The following HYDIN variants were observed in gnomAD, a reference collection of about 807,000 sequenced individuals.
HYDIN encodes the protein HYDIN axonemal central pair apparatus protein, also known as axonemal central pair apparatus protein HYDIN.
HYDIN carries 132 observed loss-of-function variants against 403.9 expected under a neutral mutation model. That is an observed-to-expected ratio of 0.33 (90% CI 0.28 to 0.38). HYDIN has a LOEUF of 0.38. HYDIN is among the 10% of genes least tolerant of loss of function. The probability of loss-of-function intolerance (pLI) is 1.00; values close to 1 mark genes in which losing one functional copy is unlikely to be tolerated. For missense variants in HYDIN, 2,827 were observed against 5,009.5 expected (o/e 0.56, Z 13.15); for synonymous variants, 1,202 against 1,891.7 (o/e 0.64, Z 9.46).
intron 1 of HYDIN, among the ~76,000 whole-genome samples, chr16:71,220,250 G>A (rs1789383412): frequency 6.6e-6 from 1 of 152,142 alleles, no homozygotes; most frequent in African/African-American, 2.4e-5. Context: ...CTGCTAAAGT[G>A]AAGAAACATT....
chr16:70,920,953 C>A lies in HYDIN; in HGVS notation c.7423G>T (p.Asp2475Tyr), dbSNP rs750229100. The change falls in exon 46 of 86, where the codon GAC (aspartate) becomes TAC (tyrosine). Residue 2475 changes from aspartate (D) to tyrosine (Y), a missense_variant. By Grantham distance (160) the Asp-to-Tyr change is radical (BLOSUM62 -3). Coordinates refer to ENST00000393567, the MANE Select transcript of HYDIN (RefSeq NM_001270974.2). ...GGCAGCTGGACTCCTTGCTTCCGGT[C>A]CCAGTACATGAGGATGTTCTGGACA... ...KDVQNILMYW[D>Y]RKQGVQLPPA... The A allele has an allele frequency of 1.2e-6, 2 of 1,611,638 alleles. No individual in the cohort carries two copies. Among genetic ancestry groups the A allele is most frequent in the African/African-American group, 2.7e-5 (2 of 74,792 alleles).
chr16:71,201,696 G>T (rs894836598), intron 1 of HYDIN, among the ~76,000 whole-genome samples: 3 of 152,198 alleles, frequency 2.0e-5, no homozygotes, highest in Admixed American at 6.5e-5. Flanking sequence ...GAGGGGAGAG[G>T]CTGTCTGAGA....
intron 83 of HYDIN, among the ~76,000 whole-genome samples, chr16:70,823,614 G>A (rs8063691): frequency 6.6e-6 from 1 of 151,496 alleles, no homozygotes; most frequent in Admixed American, 6.6e-5. Flanking sequence ...GACCTCTAAT[G>A]TTCCCCAGCA....
At chr16:71,226,794 C>G (rs2041051681) in intron 1 of HYDIN, among the ~76,000 whole-genome samples, 1 of 152,180 alleles carries the variant, frequency 6.6e-6, no homozygotes. Flanking sequence ...CTCACCAGAT[C>G]ACCGCATCCA....
intron 13 of HYDIN, among the ~76,000 whole-genome samples, chr16:71,070,191 A>G (rs6416722): frequency 6.6e-6 from 1 of 152,020 alleles, no homozygotes; most frequent in Admixed American, 6.5e-5. Context: ...CTCTTAAGAG[A>G]TGTGGACCTT....
chr16:70,920,845 G>A lies in HYDIN; in HGVS notation c.7531C>T (p.Arg2511Trp), dbSNP rs774441724. 6 of 1,587,252 alleles carry A rather than the reference G, an allele frequency of 3.8e-6. No homozygotes were observed. The highest frequency in any genetic ancestry group is 1.3e-5 in the African/African-American group (1 of 74,404). Residue 2511 changes from arginine to tryptophan, a missense_variant, in exon 46 of 86, where the codon CGG becomes TGG. Coordinates refer to ENST00000393567, the MANE Select transcript of HYDIN (RefSeq NM_001270974.2). ...PLGGRRGRKD[R>W]ERERLEKERT... ...TCCTTCTCCAGGCGCTCTCTCTCCC[G>A]GTCCTTGCGGCCCCTGCGCCCACCC... is the stretch of plus-strand genomic sequence containing the variant.
At chr16:71,016,893 TG>T (rs1435582996) in intron 23 of HYDIN, among the ~76,000 whole-genome samples, 1 of 152,004 alleles carries the variant, frequency 6.6e-6, no homozygotes, top group Admixed American at 6.6e-5. Context: ...TGACGTGGTT[TG>T]GCTCTCTGTC....
At chr16:71,048,835 T>A (rs2081537632) in intron 18 of HYDIN, among the ~76,000 whole-genome samples, 1 of 152,162 alleles carries the variant, frequency 6.6e-6, no homozygotes, top group Non-Finnish European at 1.5e-5. Context: ...TTTTCCTATA[T>A]AACAAACCTG....
intron 1 of HYDIN, among the ~76,000 whole-genome samples, chr16:71,190,736 T>C (rs1191494082): frequency 6.6e-6 from 1 of 152,060 alleles, no homozygotes; most frequent in East Asian, 1.9e-4. Context: ...ATCTTAACAC[T>C]AAAAGAGTAA....
At chr16:71,220,054 T>C (rs1281131721) in intron 1 of HYDIN, among the ~76,000 whole-genome samples, 1 of 152,184 alleles carries the variant, frequency 6.6e-6, no homozygotes, top group Non-Finnish European at 1.5e-5. Flanking sequence ...GGAAATCTGA[T>C]GATGGCTATG....
intron 18 of HYDIN, among the ~76,000 whole-genome samples, chr16:71,043,675 T>C (rs1405634174): frequency 1.3e-5 from 2 of 152,114 alleles, no homozygotes; most frequent in African/African-American, 2.4e-5. Context: ...TTGTTTTATT[T>C]TAAACTTTCT....
intron 11 of HYDIN, chr16:71,090,412 AAATTT>A (rs1184046593): frequency 6.6e-6 from 1 of 151,348 alleles, no homozygotes; most frequent in African/African-American, 2.4e-5. Context: ...CTGTAAAATT[AAATTT>A]ATTAATTTAT....
intron 1 of HYDIN, among the ~76,000 whole-genome samples, chr16:71,208,151 T>C (rs1008147967): frequency 5.9e-5 from 9 of 152,144 alleles, no homozygotes; most frequent in South Asian, 4.1e-4. Flanking sequence ...TATTCTAAAA[T>C]TGACCATGCA....
intron 42 of HYDIN, among the ~76,000 whole-genome samples, chr16:70,942,937 G>A (rs1290800852): frequency 2.0e-5 from 3 of 152,024 alleles, no homozygotes; most frequent in Non-Finnish European, 2.9e-5. Context: ...GTTCAAATCA[G>A]TTGAAAGTGA....
chr16:70,932,394 C>T lies in HYDIN; in HGVS notation c.7158+3558G>A, dbSNP rs1372028185. The stretch of plus-strand genomic sequence containing the variant: ...TAAAAAATAAACAAAAACATACCCA[C>T]ACATAAAACAAATATTTTTGAGCAC... On this transcript the variant is annotated intron_variant, in intron 45 of 85. Coordinates refer to ENST00000393567, the MANE Select transcript of HYDIN (RefSeq NM_001270974.2). Among the ~76,000 whole-genome samples, 13 of 152,122 alleles carry T rather than the reference C, an allele frequency of 8.5e-5. No individual in the cohort carries two copies. In the South Asian group the frequency reaches 1.7e-3, roughly 19 times the overall value.
In HYDIN at chr16:71,012,712, G is replaced by T. The variant is rs541706650; in HGVS notation, c.3644+5417C>A. Among the ~76,000 whole-genome samples the T allele has an allele frequency of 3.3e-5, 5 of 152,276 alleles. No homozygotes were observed. The South Asian group carries it at 1.0e-3, about 32-fold the overall frequency. On this transcript the variant is annotated intron_variant, in intron 23 of 85. Coordinates refer to ENST00000393567, the MANE Select transcript of HYDIN (RefSeq NM_001270974.2). ...TTCTGTTTCTTTTACTAACTGTAAG[G>T]CTTAGAAGAATCCTAACTGGATAAG...
At chr16:70,943,455 C>A (rs1281980019) in intron 42 of HYDIN, among the ~76,000 whole-genome samples, 1 of 152,090 alleles carries the variant, frequency 6.6e-6, no homozygotes, top group Admixed American at 6.6e-5. Flanking sequence ...CTAGTTACTT[C>A]TTTTTCACTT....
intron 83 of HYDIN, among the ~76,000 whole-genome samples, chr16:70,820,108 C>A (rs1188370276): frequency 2.0e-5 from 3 of 150,016 alleles, no homozygotes; most frequent in African/African-American, 7.4e-5. Flanking sequence ...GCTTGAGCCA[C>A]CGCGCCTGGC....
At chr16:70,987,263 T>A (rs2079219363) in intron 27 of HYDIN, among the ~76,000 whole-genome samples, 1 of 152,214 alleles carries the variant, frequency 6.6e-6, no homozygotes, top group South Asian at 2.1e-4. Flanking sequence ...AAAACCGGAA[T>A]ACGAAACCAC....
Sources: allele counts gnomAD v4.1 joint callset (sites outside exome capture counted in the v4.1 genomes callset), GRCh38; gene constraint gnomAD v4.1.1; transcripts MANE v1.5; gene names NCBI Gene and HGNC (gene_info 2026-07-23, HGNC 2026-07-21).